The following RAB37 variants were observed in gnomAD, a reference collection of about 807,000 sequenced individuals.
RAB37 encodes the protein ras-related protein Rab-37.
In RAB37, 29 loss-of-function variants were observed where a neutral mutation model predicts 33.1. The ratio of observed to expected loss-of-function variants is 0.88; its 90% CI spans 0.65 to 1.20. The LOEUF (loss-of-function observed/expected upper bound fraction) is 1.20, where lower values mean the gene tolerates loss of function less well. Among genes scored for constraint, RAB37 ranks in the 50% most tolerant of loss-of-function variants. RAB37 has a pLI of 0.00. For synonymous variants in RAB37, 128 were observed against 119.5 expected (o/e 1.07, Z -0.47); for missense variants, 299 against 301.1 (o/e 0.99, Z 0.05).
At chr17:74,740,440 C>T (rs2034584874) in intron 1 of RAB37, among the ~76,000 whole-genome samples, 1 of 152,140 alleles carries the variant, frequency 6.6e-6, no homozygotes, top group Non-Finnish European at 1.5e-5. Context: ...GCAAATGTGG[C>T]CACTGTCTAG....
chr17:74,702,746 A>G (rs2033169248), intron 1 of RAB37, among the ~76,000 whole-genome samples: 1 of 152,222 alleles, frequency 6.6e-6, no homozygotes, highest in African/African-American at 2.4e-5. Flanking sequence ...CTGTGTCCCC[A>G]GAGCTCAGCA....
At chr17:74,732,601 G>A (rs200693426), upstream of RAB37, among the ~76,000 whole-genome samples, 761 of 36,568 alleles carry the variant, frequency 0.021, no homozygotes, top group East Asian at 0.047. Flanking sequence ...ATGGTGAGGT[G>A]TGTGTGTCTG....
At chr17:74,679,728 C>T (rs1342465963) in intron 1 of RAB37, among the ~76,000 whole-genome samples, 1 of 151,986 alleles carries the variant, frequency 6.6e-6, no homozygotes, top group African/African-American at 2.4e-5. Flanking sequence ...GCCTGTAATC[C>T]CAGCACTTTG....
intron 1 of RAB37, among the ~76,000 whole-genome samples, chr17:74,711,004 A>C (rs941482591): frequency 8.6e-5 from 13 of 152,032 alleles, no homozygotes; most frequent in African/African-American, 3.1e-4. Flanking sequence ...ATGCCACCAC[A>C]CTCCAGCCTA....
intron 1 of RAB37, among the ~76,000 whole-genome samples, chr17:74,723,876 A>G (rs1019919178): frequency 1.3e-5 from 2 of 152,072 alleles, no homozygotes; most frequent in African/African-American, 4.8e-5. Flanking sequence ...ACCCGGCCGT[A>G]ACATTTTCAT....
At chr17:74,695,110 T>C (rs763830393) in intron 1 of RAB37, 1 of 1,613,806 alleles carries the variant, frequency 6.2e-7, no homozygotes, top group Non-Finnish European at 8.5e-7. Context: ...GGCCTGCTGA[T>C]GGTGCTGTAT....
intron 5 of RAB37, 97 bp downstream of exon 5, chr17:74,743,437 C>T: frequency 7.4e-6 from 9 of 1,214,864 alleles, no homozygotes; most frequent in East Asian, 2.3e-5. Flanking sequence ...GCGGGTGGAG[C>T]GTGGAGTCCT....
chr17:74,678,186 G>A (rs1039636996), intron 1 of RAB37, among the ~76,000 whole-genome samples: 1 of 152,174 alleles, frequency 6.6e-6, no homozygotes, highest in Non-Finnish European at 1.5e-5. Flanking sequence ...ACAGCTCCTT[G>A]TTAACTCACT....
chr17:74,695,616 C>T lies in RAB37; in HGVS notation c.72+23958C>T, dbSNP rs921270670. On this transcript the variant is annotated intron_variant, in intron 1 of 7. Transcript: ENST00000340415. Reference sequence around the variant, plus strand: ...TGACTATGGCTTTGCCCCACACCTGCCTCCTCTATGCCCACATGAGCAGGA... The same window carrying T: ...TGACTATGGCTTTGCCCCACACCTGTCTCCTCTATGCCCACATGAGCAGGA... 1.1e-5 allele frequency: 17 copies of T among 1,499,196 alleles called. No homozygotes were observed. In the African/African-American group the frequency reaches 1.9e-4, roughly 17 times the overall value. 92.9% of individuals were successfully genotyped at this position (1,499,196 alleles called of 1,614,324 possible).
rs532584427 is a variant in RAB37 at position 74,693,708 on chromosome 17, C to T, written c.72+22050C>T. Among the ~76,000 whole-genome samples, 17 of 152,250 alleles carry T rather than the reference C, an allele frequency of 1.1e-4. No homozygotes were observed. The South Asian group carries it at 3.1e-3, about 28-fold the overall frequency. On this transcript the variant is annotated intron_variant, in intron 1 of 7. Coordinates refer to the RAB37 transcript ENST00000340415. The stretch of plus-strand genomic sequence containing the variant: ...CTTTGGGAGGTCGAGATAGGCAGAT[C>T]ACTTGAGGCCAGGAGTTCGAGACCA...
chr17:74,740,763 C>A lies in RAB37; in HGVS notation c.94-5C>A, dbSNP rs556048886. The stretch of plus-strand genomic sequence containing the variant: ...CCATTAACTGCCTCTGCCCCTACCC[C>A]CTAGGTGATGCTTCTGGGAGACACA... On this transcript the variant is annotated splice_region_variant and splice_polypyrimidine_tract_variant and intron_variant, in intron 1 of 8. Transcript: ENST00000392613. 6.5e-5 allele frequency: 105 copies of A among 1,608,810 alleles called. 1 individual carries two copies. The highest frequency in any genetic ancestry group is 4.9e-4 in the South Asian group (45 of 90,996).
chr17:74,713,414 C>A lies in RAB37; in HGVS notation c.73-15842C>A, dbSNP rs185821132. 2.8e-3 allele frequency among the ~76,000 whole-genome samples: 426 copies of A among 152,014 alleles called. 2 individuals are homozygous for A. The highest frequency in any genetic ancestry group is 0.014 in the Middle Eastern group (4 of 292). ...AGGAATCATCAGCTTCTGAGAAGTA[C>A]CTCTCTGTACACAGCCACCGTGGGT... On this transcript the variant is annotated intron_variant, in intron 1 of 7. Transcript: ENST00000340415.
At chr17:74,736,927 A>G, upstream of RAB37, 2 of 1,503,560 alleles carry the variant, frequency 1.3e-6, no homozygotes, top group Non-Finnish European at 1.8e-6. Flanking sequence ...GACTACGGGA[A>G]CTCTTCCGCA....
rs1177621256 is a variant in RAB37, at chr17:74,738,772, G to T, written c.93+1407G>T. 6.6e-6 allele frequency among the ~76,000 whole-genome samples: 1 copy of T among 152,144 alleles called. No individual in the cohort carries two copies. The highest frequency in any genetic ancestry group is 2.4e-5 in the African/African-American group (1 of 41,438). ...GCCTCCCCGGGCCTGCCCCAGGGGA[G>T]TGAGTCCAGGACCCTCTGAGAAAGC... is the stretch of plus-strand genomic sequence containing the variant. On this transcript the variant is annotated intron_variant, in intron 1 of 8. Coordinates refer to ENST00000392613, the MANE Select transcript of RAB37 (RefSeq NM_001006638.3). The surrounding 1 kb of genome is among the most constrained non-coding windows in gnomAD (Gnocchi z 5.0).
At chr17:74,687,027 T>A (rs149735626) in intron 1 of RAB37, among the ~76,000 whole-genome samples, 65 of 152,320 alleles carry the variant, frequency 4.3e-4, no homozygotes, top group African/African-American at 1.5e-3. Context: ...GCCAGTGCTC[T>A]GCTCTGCTCA....
chr17:74,717,090 G>A (rs923420464), intron 1 of RAB37, among the ~76,000 whole-genome samples: 2 of 152,172 alleles, frequency 1.3e-5, no homozygotes, highest in Non-Finnish European at 2.9e-5. Flanking sequence ...AGCTGAGATC[G>A]CACCATTGCA....
intron 1 of RAB37, among the ~76,000 whole-genome samples, chr17:74,682,899 C>A (rs553749118): frequency 1.3e-5 from 2 of 151,714 alleles, no homozygotes; most frequent in East Asian, 3.9e-4. Flanking sequence ...AGCGAAACTC[C>A]GTCTCAAAAA....
Position 74,729,743 on chromosome 17 carries a change from T to A in RAB37, c.183+377T>A, listed in dbSNP as rs4788848. On this transcript the variant is annotated intron_variant, in intron 2 of 7. Coordinates refer to the RAB37 transcript ENST00000340415. The surrounding 1 kb of genome is among the most constrained non-coding windows in gnomAD (Gnocchi z 4.2). ...AGGAGAACAATCCCCTGTCCCACCT[T>A]GCTCTCCTCCTGCTCCCCATCTCCT... 9.0e-3 allele frequency among the ~76,000 whole-genome samples: 1,370 copies of A among 152,248 alleles called. 96 individuals carry two copies. Among genetic ancestry groups the A allele is most frequent in the Admixed American group, 0.084 (1,277 of 15,290 alleles).
intron 1 of RAB37, among the ~76,000 whole-genome samples, chr17:74,675,914 A>C (rs2031821207): frequency 6.6e-6 from 1 of 152,180 alleles, no homozygotes; most frequent in Admixed American, 6.5e-5. Flanking sequence ...ATGTGCCTGG[A>C]GTTTTTAAAT....
Sources: allele counts gnomAD v4.1 joint callset (sites outside exome capture counted in the v4.1 genomes callset), GRCh38; gene constraint gnomAD v4.1.1; non-coding constraint Gnocchi (gnomAD v3.1); transcripts MANE v1.5; gene names NCBI Gene and HGNC (gene_info 2026-07-23, HGNC 2026-07-21).